Variants in ABCA1 observed in about 807,000 individuals in gnomAD.
ABCA1 encodes ATP binding cassette subfamily A member 1, also known as phospholipid-transporting ATPase ABCA1.
ABCA1 carries 133 observed loss-of-function variants against 262.5 expected under a neutral mutation model. That is an observed-to-expected ratio of 0.51 (90% CI 0.44 to 0.59). The LOEUF (loss-of-function observed/expected upper bound fraction) is 0.59, where lower values mean the gene tolerates loss of function less well. Among genes scored for constraint, ABCA1 ranks in the 20% least tolerant of loss-of-function variants. The probability of loss-of-function intolerance (pLI) is 0.00; values close to 1 mark genes in which losing one functional copy is unlikely to be tolerated. For synonymous variants in ABCA1, 1,022 were observed against 1,043.5 expected (o/e 0.98, Z 0.40); for missense variants, 2,452 against 2,777.5 (o/e 0.88, Z 2.63).
At position 104,802,175 on chromosome 9, in the gene ABCA1, G is replaced by C; in HGVS notation, c.4593-16C>G. The C allele has an allele frequency of 6.2e-7, 1 of 1,610,212 alleles. No individual in the cohort carries two copies. The highest frequency in any genetic ancestry group is 8.5e-7 in the Non-Finnish European group (1 of 1,176,428). On this transcript the variant is annotated splice_polypyrimidine_tract_variant and intron_variant, in intron 33 of 49. Transcript: ENST00000374736. ...GCCGCCATACCTAAAAGAACAGCCT[G>C]ACATTAAAACCCAGACAGTGGGGTG...
rs376321182 is a variant in ABCA1, at chr9:104,883,141, A to C, written c.319T>G (p.Ser107Ala). The C allele has an allele frequency of 2.7e-5, 44 of 1,613,226 alleles. No individual in the cohort carries two copies. In the African/African-American group the frequency reaches 5.3e-4, roughly 19 times the overall value. Residue 107 changes from serine (S) to alanine (A), a missense_variant, in exon 5 of 50, where the codon TCA (serine) becomes GCA (alanine). Ser to Ala is a moderately conservative substitution (Grantham distance 99). Coordinates refer to ENST00000374736, the MANE Select transcript of ABCA1 (RefSeq NM_005502.4). ...FNKSIVARLF[S>A]DARRLLLYSQ... is the part of the protein sequence containing the mutation. ...TATAAAAGAAGCCTCCGAGCATCTG[A>C]GAACAGGCGAGCCACACTGTAAAGG...
At chr9:104,893,688 T>C (rs1392653023) in intron 2 of ABCA1, among the ~76,000 whole-genome samples, 2 of 152,144 alleles carry the variant, frequency 1.3e-5, no homozygotes, top group African/African-American at 4.8e-5. Context: ...TGATTTTATA[T>C]GTAGCAAGGC....
intron 8 of ABCA1, 135 bp downstream of exon 8, chr9:104,845,342 C>T (rs1451723385): frequency 7.1e-6 from 5 of 704,116 alleles, no homozygotes; most frequent in South Asian, 3.2e-5. Flanking sequence ...TTATTGTTTA[C>T]ATCACTTATA....
At chr9:104,867,189 G>A (rs1401492456) in intron 5 of ABCA1, among the ~76,000 whole-genome samples, 1 of 152,204 alleles carries the variant, frequency 6.6e-6, no homozygotes, top group South Asian at 2.1e-4. Context: ...CCCAGATCAA[G>A]AGGAGAGTCA....
intron 6 of ABCA1, among the ~76,000 whole-genome samples, chr9:104,859,843 G>A (rs969871414): frequency 1.3e-5 from 2 of 152,092 alleles, no homozygotes; most frequent in Non-Finnish European, 2.9e-5. Flanking sequence ...CTGAGGTCAG[G>A]AGTTCAAGAC....
chr9:104,825,739 A>G lies in ABCA1; in HGVS notation c.2486T>C (p.Leu829Pro). The part of the protein sequence containing the change: ...FNLTTSVSMM[L>P]FDTFLYGVMT... ...CACCCCATAGAGGAAGGTGTCAAAC[A>G]GCATCATGGAGACCGAAGTGGTGAG... Residue 829 changes from leucine to proline, a missense_variant, in exon 17 of 50, where the codon CTG becomes CCG. Transcript: ENST00000374736. 2 of 1,614,248 alleles carry G rather than the reference A, an allele frequency of 1.2e-6. No homozygotes were observed. The highest frequency in any genetic ancestry group is 1.7e-6 in the Non-Finnish European group (2 of 1,180,048).
rs1833874229 is a variant in ABCA1, at chr9:104,837,005, T to C, written c.1286A>G (p.Asn429Ser). 1.2e-6 allele frequency: 2 copies of C among 1,614,120 alleles called. No individual in the cohort carries two copies. Among genetic ancestry groups the C allele is most frequent in the Admixed American group, 3.3e-5 (2 of 60,026 alleles). The change falls in exon 11 of 50, where the codon AAC becomes AGC. Residue 429 changes from asparagine to serine, a missense_variant. This residue lies in a region of ABCA1 where 1,032 missense variants were observed against 1,089.7 expected (regional missense o/e 0.95). Transcript: ENST00000374736. Reference sequence around the variant, plus strand: ...CCGGACAAGGTCCATTTCTTGGCTGTTCTCCATGAAGGTCCAGATCTTGGG... The same window carrying C: ...CCGGACAAGGTCCATTTCTTGGCTGCTCTCCATGAAGGTCCAGATCTTGGG... The part of the protein sequence containing the change: ...LSPKIWTFME[N>S]SQEMDLVRML...
In ABCA1 at chr9:104,817,225, C is replaced by T. The variant is rs763892609; in HGVS notation, c.3535+107G>A. The T allele has an allele frequency of 2.5e-6, 4 of 1,600,556 alleles. No individual in the cohort carries two copies. The highest frequency in any genetic ancestry group is 1.7e-5 in the Admixed American group (1 of 58,580). ...CACCCAGCCCCAGCCCAGCAGCAAA[C>T]CTTGAGTCAGCGCCACCAGCCTCTG... On this transcript the variant is annotated intron_variant, in intron 24 of 49. Coordinates refer to ENST00000374736, the MANE Select transcript of ABCA1 (RefSeq NM_005502.4). This position sits in a 1 kb window ranked among gnomAD's most constrained non-coding sequence, Gnocchi z 4.7.
intron 1 of ABCA1, among the ~76,000 whole-genome samples, chr9:104,923,621 G>GCTTT (rs1842267501): frequency 6.6e-6 from 1 of 152,246 alleles, no homozygotes; most frequent in Non-Finnish European, 1.5e-5. Context: ...TGGAGTTAAA[G>GCTTT]AACTCTGGCT....
At chr9:104,790,033 T>G (rs1180738298) in intron 44 of ABCA1, among the ~76,000 whole-genome samples, 1 of 151,216 alleles carries the variant, frequency 6.6e-6, no homozygotes, top group Non-Finnish European at 1.5e-5. Flanking sequence ...GAGGCGGAGG[T>G]TGCAGTGAGC....
At chr9:104,890,858 A>G (rs1839667129) in intron 2 of ABCA1, among the ~76,000 whole-genome samples, 1 of 152,190 alleles carries the variant, frequency 6.6e-6, no homozygotes, top group South Asian at 2.1e-4. Context: ...GGTAAATATA[A>G]ATCACCTTAA....
chr9:104,802,681 C>A (rs986176428), intron 33 of ABCA1, among the ~76,000 whole-genome samples: 1 of 152,204 alleles, frequency 6.6e-6, no homozygotes, highest in Admixed American at 6.5e-5. Flanking sequence ...AAGGAGCCTT[C>A]GGGCCCCCTG....
chr9:104,828,830 G>T, intron 15 of ABCA1, 86 bp downstream of exon 15: 1 of 1,380,376 alleles, frequency 7.2e-7, no homozygotes. Flanking sequence ...CAGAGGCTTG[G>T]ATTTTTTTTC....
At chr9:104,857,527 T>A (rs2472441) in intron 7 of ABCA1, among the ~76,000 whole-genome samples, 58,162 of 151,706 alleles carry the variant, frequency 0.38, 12,938 homozygotes, top group African/African-American at 0.62. Flanking sequence ...CCACCACACC[T>A]GGCCGATACA....
rs139739642 is a variant in ABCA1 at position 104,886,672 on chromosome 9, C to T, written c.161-2104G>A. Among the ~76,000 whole-genome samples, 70 of 152,290 alleles carry T rather than the reference C, an allele frequency of 4.6e-4. 1 individual carries two copies. Among genetic ancestry groups the T allele is most frequent in the Middle Eastern group, 3.4e-3 (1 of 294 alleles). ...GATGGTGAAGGTATTTCAGGTTATC[C>T]CTTAGCAGGGGTGGCAAAGGCCCTT... is the stretch of plus-strand genomic sequence containing the variant. On this transcript the variant is annotated intron_variant, in intron 3 of 49. Coordinates refer to ENST00000374736, the MANE Select transcript of ABCA1 (RefSeq NM_005502.4).
intron 35 of ABCA1, 140 bp downstream of exon 35, chr9:104,800,370 C>T (rs1005701404): frequency 2.7e-5 from 22 of 805,186 alleles, no homozygotes; most frequent in Non-Finnish European, 4.2e-5. Flanking sequence ...CTACACCGTA[C>T]TGCCTCACTG....
intron 5 of ABCA1, among the ~76,000 whole-genome samples, chr9:104,866,586 A>G (rs566793942): frequency 6.7e-4 from 102 of 151,696 alleles, no homozygotes; most frequent in African/African-American, 2.4e-3. Flanking sequence ...GGTTCAAGCA[A>G]TTCTCCTGCC....
At chr9:104,788,166 C>A in intron 45 of ABCA1, 112 bp from the exon 46 acceptor site, 3 of 1,291,318 alleles carry the variant, frequency 2.3e-6, no homozygotes, top group Non-Finnish European at 3.4e-6. Flanking sequence ...ATTCTATAAT[C>A]ATAACCTGAC....
chr9:104,795,397 T>C lies in ABCA1; in HGVS notation c.5382+656A>G, dbSNP rs540539354. 1.2e-4 allele frequency among the ~76,000 whole-genome samples: 18 copies of C among 152,328 alleles called. 1 individual carries two copies. In the South Asian group the frequency reaches 3.5e-3, roughly 30 times the overall value. ...CCGGAATGGAGAGGAAGCCTTATTTTAGAGGTCCATACCTGGAAGAACTGA... is the reference window on the plus strand; with the variant it reads ...CCGGAATGGAGAGGAAGCCTTATTTCAGAGGTCCATACCTGGAAGAACTGA... On this transcript the variant is annotated intron_variant, in intron 39 of 49. Transcript: ENST00000374736.
Sources: gnomAD v4.1 joint callset for allele counts (sites outside exome capture counted in the v4.1 genomes callset) on GRCh38, gnomAD v4.1.1 for gene constraint, gnomAD v4.1.1 regional missense constraint, Gnocchi (gnomAD v3.1) non-coding constraint, MANE v1.5 for transcripts, NCBI Gene and HGNC (gene_info 2026-07-23, HGNC 2026-07-21) for gene names.